Variants in BLOC1S5 observed in about 807,000 individuals in gnomAD.
BLOC1S5 encodes biogenesis of lysosomal organelles complex 1 subunit 5.
Under a neutral mutation model 24.3 loss-of-function variants are expected in BLOC1S5, and 27 were observed. That is an observed-to-expected ratio of 1.11 (90% CI 0.82 to 1.53). The LOEUF is 1.53. Among genes scored for constraint, BLOC1S5 ranks in the 40% most tolerant of loss-of-function variants. The pLI, the probability that BLOC1S5 is intolerant of heterozygous loss-of-function variation, is 0.00. For synonymous variants in BLOC1S5, 84 were observed against 74.5 expected (o/e 1.13, Z -0.66); for missense variants, 239 against 229.4 (o/e 1.04, Z -0.27).
intron 2 of BLOC1S5, among the ~76,000 whole-genome samples, chr6:8,047,160 T>TCTCTCACACACA (rs1475934039): frequency 1.6e-5 from 2 of 126,922 alleles, no homozygotes; most frequent in South Asian, 2.4e-4. Flanking sequence ...TCTCTCTCTC[T>TCTCTCACACACA]CACACACACA....
At chr6:8,020,454 G>A (rs1408240021) in intron 4 of BLOC1S5, among the ~76,000 whole-genome samples, 1 of 152,228 alleles carries the variant, frequency 6.6e-6, no homozygotes, top group Non-Finnish European at 1.5e-5. Flanking sequence ...TCTTGCCCTA[G>A]GGGCCAGTTC....
At position 8,041,158 on chromosome 6, in the gene BLOC1S5, G is replaced by T. The variant is rs980395119; in HGVS notation, c.306C>A (p.Leu102=). The change falls in exon 3 of 5, where the codon CTC becomes CTA. Residue 102 remains leucine (L), a synonymous_variant. Transcript: ENST00000397457. ...ACTCACATCTCTGGAGAACCTGGCT[G>T]AGGCTGTCCCGCATTGTGTCTCTAC... is the stretch of plus-strand genomic sequence containing the variant. ...PKCRDTMRDS[L]SQVLQRLQAA... 2.5e-6 allele frequency: 4 copies of T among 1,603,106 alleles called. No individual in the cohort carries two copies. The highest frequency in any genetic ancestry group is 3.4e-6 in the Non-Finnish European group (4 of 1,175,682).
rs1010153644 is a variant in BLOC1S5 at position 8,013,771 on chromosome 6, G to C, written c.*1878C>G. 11 of 152,056 alleles carry C rather than the reference G, an allele frequency of 7.2e-5. No homozygotes were observed. The highest frequency in any genetic ancestry group is 2.7e-4 in the African/African-American group (11 of 41,414). The allele number at this position is 152,056 out of a possible 1,614,324, so 9.4% of individuals were successfully genotyped here. Reference sequence around the variant, plus strand: ...GGTACAAAGGGAATTTTCATTTAAGGCTCCCCTCCCTTTTCATGTGTGGGA... The same window carrying C: ...GGTACAAAGGGAATTTTCATTTAAGCCTCCCCTCCCTTTTCATGTGTGGGA... On this transcript the variant is annotated 3_prime_UTR_variant, in exon 5 of 5. Transcript: ENST00000397457.
At position 8,015,474 on chromosome 6, in the gene BLOC1S5, ACC is replaced by A; in HGVS notation, c.*173_*174del. 1.6e-6 allele frequency: 1 copy of A among 608,402 alleles called. No individual in the cohort carries two copies. Among genetic ancestry groups the A allele is most frequent in the Admixed American group, 3.5e-5 (1 of 28,506 alleles). 37.7% of individuals were successfully genotyped at this position (608,402 alleles called of 1,614,324 possible). ...GCACTTAAAGCTGGAAAAATGTGGCACCCTTCTTTAAATATCCAATCAGAATG... is the reference window on the plus strand; with the variant it reads ...GCACTTAAAGCTGGAAAAATGTGGCACTTCTTTAAATATCCAATCAGAATG... On this transcript the variant is annotated 3_prime_UTR_variant, in exon 5 of 5. Transcript: ENST00000397457.
chr6:8,032,225 G>C (rs959499243), intron 3 of BLOC1S5, among the ~76,000 whole-genome samples: 3 of 152,050 alleles, frequency 2.0e-5, no homozygotes, highest in African/African-American at 7.2e-5. Flanking sequence ...TCCCACAAAA[G>C]ACTAATATGC....
chr6:8,045,487 G>A (rs143584028), intron 2 of BLOC1S5, among the ~76,000 whole-genome samples: 212 of 152,226 alleles, frequency 1.4e-3, no homozygotes, highest in Non-Finnish European at 2.2e-3. Flanking sequence ...GAGGACCACC[G>A]TCCTCCAGAC....
intron 3 of BLOC1S5, among the ~76,000 whole-genome samples, chr6:8,036,194 C>T (rs548595927): frequency 1.2e-4 from 19 of 152,056 alleles, no homozygotes; most frequent in African/African-American, 4.3e-4. Flanking sequence ...ATACAACATA[C>T]CCAAATCTAT....
At chr6:8,021,859 A>G (rs1040383265) in intron 4 of BLOC1S5, among the ~76,000 whole-genome samples, 2 of 152,182 alleles carry the variant, frequency 1.3e-5, no homozygotes, top group Non-Finnish European at 2.9e-5. Flanking sequence ...AAATGAAGAG[A>G]ATTTATTAAT....
In BLOC1S5 at chr6:8,041,144, T is replaced by C. The variant is rs1341870357; in HGVS notation, c.320A>G (p.Gln107Arg). Reference protein sequence around the residue: ...TMRDSLSQVLQRLQAANDSVC... With the variant: ...TMRDSLSQVLRRLQAANDSVC... ...AAAAAGAATTGCTGACTCACATCTC[T>C]GGAGAACCTGGCTGAGGCTGTCCCG... The change falls in exon 3 of 5, where the codon CAG (glutamine) becomes CGG (arginine). Residue 107 changes from glutamine (Q) to arginine (R), a missense_variant. Coordinates refer to ENST00000397457, the MANE Select transcript of BLOC1S5 (RefSeq NM_201280.3). The C allele has an allele frequency of 1.3e-6, 2 of 1,585,478 alleles. No individual in the cohort carries two copies. Among genetic ancestry groups the C allele is most frequent in the Admixed American group, 1.9e-5 (1 of 53,498 alleles).
At chr6:8,016,876 C>CAAAAAAAAAAAAAAAAAAA in intron 4 of BLOC1S5, among the ~76,000 whole-genome samples, 1 of 97,602 alleles carries the variant, frequency 1.0e-5, no homozygotes. Context: ...TACTCTATCT[C>CAAAAAAAAAAAAAAAAAAA]AAAAAAAAAA....
rs1554139177 is a variant in BLOC1S5, at chr6:8,041,655, C to CTTTTTTTTTTTTTTT, written c.196-388_196-387insAAAAAAAAAAAAAAA. Among the ~76,000 whole-genome samples the CTTTTTTTTTTTTTTT allele has an allele frequency of 8.9e-5, 10 of 111,870 alleles. 1 individual carries two copies. Among genetic ancestry groups the CTTTTTTTTTTTTTTT allele is most frequent in the African/African-American group, 2.3e-4 (7 of 31,008 alleles). The allele number at this position is 111,870 out of a possible 152,430, so 73.4% of individuals were successfully genotyped here. On this transcript the variant is annotated intron_variant, in intron 2 of 4. Transcript: ENST00000397457. ...TAGTAATTACTTTCTTTCTTTCTTT[C>CTTTTTTTTTTTTTTT]TTTTTTTTTGAGATGCAGTCTCGCC...
At chr6:8,029,824 T>C (rs974947693) in intron 3 of BLOC1S5, among the ~76,000 whole-genome samples, 1 of 152,070 alleles carries the variant, frequency 6.6e-6, no homozygotes, top group African/African-American at 2.4e-5. Flanking sequence ...AAAGAAGCAG[T>C]GATCTAGTGA....
chr6:8,063,379 TTTA>T (rs1164573274), intron 1 of BLOC1S5, among the ~76,000 whole-genome samples: 1 of 152,208 alleles, frequency 6.6e-6, no homozygotes, highest in Non-Finnish European at 1.5e-5. Context: ...GGTGAGTCAG[TTTA>T]TTATTCTTCT....
At chr6:8,037,335 G>A (rs1214105571) in intron 3 of BLOC1S5, among the ~76,000 whole-genome samples, 2 of 152,022 alleles carry the variant, frequency 1.3e-5, no homozygotes, top group African/African-American at 4.8e-5. Flanking sequence ...CCAACAGCAA[G>A]CAATCTGAAA....
chr6:8,035,006 T>G (rs1468777489), intron 3 of BLOC1S5, among the ~76,000 whole-genome samples: 2 of 151,936 alleles, frequency 1.3e-5, no homozygotes, highest in Non-Finnish European at 2.9e-5. Flanking sequence ...GGAATACTAT[T>G]CAGCCATAAA....
chr6:8,036,018 G>A (rs146930077), intron 3 of BLOC1S5, among the ~76,000 whole-genome samples: 41 of 152,176 alleles, frequency 2.7e-4, no homozygotes, highest in African/African-American at 9.6e-4. Context: ...AAAAGATAGA[G>A]ATCATTATCA....
chr6:8,017,516 C>T (rs947451771), intron 4 of BLOC1S5, among the ~76,000 whole-genome samples: 1 of 152,222 alleles, frequency 6.6e-6, no homozygotes, highest in African/African-American at 2.4e-5. Context: ...ATGTCAGCCA[C>T]CAGAAAAACA....
At chr6:8,055,685 T>C (rs1296031461) in intron 2 of BLOC1S5, among the ~76,000 whole-genome samples, 1 of 152,214 alleles carries the variant, frequency 6.6e-6, no homozygotes, top group Non-Finnish European at 1.5e-5. Flanking sequence ...TTTCCTACAA[T>C]TTTTCTACAG....
At position 8,015,172 on chromosome 6, in the gene BLOC1S5, C is replaced by CTT. The variant is rs3832427; in HGVS notation, c.*475_*476dup. 36 of 149,912 alleles carry CTT rather than the reference C, an allele frequency of 2.4e-4. No homozygotes were observed. Among genetic ancestry groups the CTT allele is most frequent in the East Asian group, 7.8e-4 (4 of 5,140 alleles). 9.3% of individuals were successfully genotyped at this position (149,912 alleles called of 1,614,324 possible). Reference sequence around the variant, plus strand: ...TGATCTCTGCTCCAAGGACAGCTGGCTTTTTTTTTTGTCTACATTACTCAT... The same window carrying CTT: ...TGATCTCTGCTCCAAGGACAGCTGGCTTTTTTTTTTTTGTCTACATTACTCAT... On this transcript the variant is annotated 3_prime_UTR_variant, in exon 5 of 5. Transcript: ENST00000397457.
Sources: allele counts gnomAD v4.1 joint callset (sites outside exome capture counted in the v4.1 genomes callset), GRCh38; gene constraint gnomAD v4.1.1; transcripts MANE v1.5; gene names NCBI Gene and HGNC (gene_info 2026-07-23, HGNC 2026-07-21).